COX7B2: variants seen among roughly 807,000 people sequenced by gnomAD.
COX7B2 encodes the protein cytochrome c oxidase subunit 7B2, mitochondrial.
For missense variants in COX7B2, 109 were observed against 95.9 expected (o/e 1.14, Z -0.57); for synonymous variants, 37 against 32.1 (o/e 1.15, Z -0.51).
At chr4:46,770,855 C>T (rs1459829405) in intron 2 of COX7B2, among the ~76,000 whole-genome samples, 3 of 152,032 alleles carry the variant, frequency 2.0e-5, no homozygotes, top group Non-Finnish European at 2.9e-5. Context: ...AAAATAAGAC[C>T]GGAAACTGTA....
At chr4:46,770,783 A>T (rs775653950) in intron 2 of COX7B2, among the ~76,000 whole-genome samples, 1 of 152,176 alleles carries the variant, frequency 6.6e-6, no homozygotes, top group Non-Finnish European at 1.5e-5. Context: ...ATCCAAGAAT[A>T]TAAAATTGGC....
At chr4:46,813,069 C>A (rs751721986) in intron 2 of COX7B2, among the ~76,000 whole-genome samples, 10 of 152,108 alleles carry the variant, frequency 6.6e-5, no homozygotes, top group Admixed American at 6.6e-5. Context: ...GGCAGGGCAC[C>A]ACTTCAGCTT....
At chr4:46,879,186 G>A (rs1304543378) in intron 1 of COX7B2, among the ~76,000 whole-genome samples, 2 of 151,984 alleles carry the variant, frequency 1.3e-5, no homozygotes, top group African/African-American at 4.8e-5. Context: ...ACAATGGCAT[G>A]ATCATAGCTC....
intron 1 of COX7B2, among the ~76,000 whole-genome samples, chr4:46,857,982 T>A (rs1182832996): frequency 6.6e-6 from 1 of 152,238 alleles, no homozygotes; most frequent in Non-Finnish European, 1.5e-5. Context: ...TAACTTATCA[T>A]TTTGTTTAAC....
chr4:46,839,454 A>G (rs1348876797), intron 2 of COX7B2, among the ~76,000 whole-genome samples: 1 of 151,962 alleles, frequency 6.6e-6, no homozygotes, highest in East Asian at 1.9e-4. Context: ...CAGCAGCTCA[A>G]AGTCCCCTAG....
chr4:46,837,141 A>G (rs575112486), intron 2 of COX7B2, among the ~76,000 whole-genome samples: 49 of 152,084 alleles, frequency 3.2e-4, no homozygotes, highest in African/African-American at 1.2e-3. Context: ...TCTTTAAGAG[A>G]CTCTGAGACT....
intron 1 of COX7B2, among the ~76,000 whole-genome samples, chr4:46,905,718 C>T (rs1311353723): frequency 6.6e-6 from 1 of 151,814 alleles, no homozygotes; most frequent in Non-Finnish European, 1.5e-5. Context: ...CATTTTCATT[C>T]CCTCTCTGAG....
chr4:46,887,583 C>T (rs1476025259), intron 1 of COX7B2, among the ~76,000 whole-genome samples: 2 of 151,612 alleles, frequency 1.3e-5, no homozygotes, highest in African/African-American at 2.4e-5. Flanking sequence ...TGGTGGCAGG[C>T]GCCTGTAGTC....
intron 2 of COX7B2, among the ~76,000 whole-genome samples, chr4:46,811,797 A>G (rs920773054): frequency 3.3e-5 from 5 of 152,038 alleles, no homozygotes; most frequent in African/African-American, 1.2e-4. Flanking sequence ...ATAGGGGGAG[A>G]CTTTCACATA....
chr4:46,760,790 C>A (rs150734267), intron 2 of COX7B2, among the ~76,000 whole-genome samples: 23 of 152,156 alleles, frequency 1.5e-4, no homozygotes, highest in African/African-American at 4.6e-4. Flanking sequence ...TCAGTGAATA[C>A]ATTTAATGGC....
At chr4:46,872,733 C>T (rs1051819357) in intron 1 of COX7B2, among the ~76,000 whole-genome samples, 6 of 152,098 alleles carry the variant, frequency 3.9e-5, no homozygotes, top group East Asian at 1.9e-4. Context: ...AGGTGTGTGA[C>T]GTGGACAAAT....
chr4:46,784,300 T>C (rs1262695365), intron 2 of COX7B2, among the ~76,000 whole-genome samples: 1 of 152,130 alleles, frequency 6.6e-6, no homozygotes, highest in Non-Finnish European at 1.5e-5. Context: ...TAATTTAATA[T>C]ATAATTTAGC....
At chr4:46,799,559 A>G (rs563778911) in intron 2 of COX7B2, among the ~76,000 whole-genome samples, 1 of 152,292 alleles carries the variant, frequency 6.6e-6, no homozygotes, top group South Asian at 2.1e-4. Context: ...AGAGTTTATA[A>G]TATAAAGGAA....
intron 2 of COX7B2, among the ~76,000 whole-genome samples, chr4:46,832,098 C>G (rs1715164633): frequency 6.6e-6 from 1 of 152,160 alleles, no homozygotes; most frequent in South Asian, 2.1e-4. Context: ...GCTGCCCCAG[C>G]CAGCAGTGGC....
chr4:46,800,207 G>T (rs1194323194), intron 2 of COX7B2, among the ~76,000 whole-genome samples: 2 of 151,802 alleles, frequency 1.3e-5, no homozygotes, highest in Non-Finnish European at 2.9e-5. Context: ...GCAATTTACA[G>T]ATTCGATGCT....
chr4:46,855,391 CTCTT>C (rs1225094113), intron 1 of COX7B2, among the ~76,000 whole-genome samples: 3 of 151,804 alleles, frequency 2.0e-5, no homozygotes, highest in Non-Finnish European at 4.4e-5. Context: ...GTACTTTTCT[CTCTT>C]TATTTTATAT....
intron 1 of COX7B2, among the ~76,000 whole-genome samples, chr4:46,893,554 A>G (rs1719570662): frequency 6.6e-6 from 1 of 152,194 alleles, no homozygotes; most frequent in African/African-American, 2.4e-5. Context: ...TTCTGTGGCA[A>G]TAGCTGTGGC....
At chr4:46,850,276 A>T (rs1025321583) in intron 1 of COX7B2, among the ~76,000 whole-genome samples, 1 of 151,958 alleles carries the variant, frequency 6.6e-6, no homozygotes, top group African/African-American at 2.4e-5. Context: ...ATTTAAAAAT[A>T]ATGATTTAAA....
In COX7B2 at chr4:46,843,682, G is replaced by T. The variant is rs79418185; in HGVS notation, c.-50+1278C>A. On this transcript the variant is annotated intron_variant, in intron 2 of 2. Transcript: ENST00000355591. Reference sequence around the variant, plus strand: ...GCAAACAGTTCACAATTGTAGTTCTGCAAATTATTAAATTTCAAACAATTT... The same window carrying T: ...GCAAACAGTTCACAATTGTAGTTCTTCAAATTATTAAATTTCAAACAATTT... 2.1e-4 allele frequency among the ~76,000 whole-genome samples: 32 copies of T among 152,056 alleles called. 1 individual carries two copies. The East Asian group carries it at 4.1e-3, about 19-fold the overall frequency.
Sources: gnomAD v4.1 joint callset for allele counts (sites outside exome capture counted in the v4.1 genomes callset) on GRCh38, gnomAD v4.1.1 for gene constraint, MANE v1.5 for transcripts, NCBI Gene and HGNC (gene_info 2026-07-23, HGNC 2026-07-21) for gene names.